GPR141: variants seen among roughly 807,000 people sequenced by gnomAD.
GPR141 encodes G protein-coupled receptor 141.
GPR141 carries 6 observed loss-of-function variants against 6.8 expected under a neutral mutation model. The ratio of observed to expected loss-of-function variants is 0.88; its 90% CI spans 0.48 to 1.74. The LOEUF is 1.74. GPR141 is among the 40% of genes most tolerant of loss of function. The pLI is 0.01. For missense variants in GPR141, 372 were observed against 372.9 expected, an observed-to-expected ratio of 1.00 and a Z score of 0.02; for synonymous variants, 140 against 142.3, an observed-to-expected ratio of 0.98 and a Z score of 0.11.
Position 37,743,487 on chromosome 7 carries a change from A to C in GPR141, c.*2176A>C, listed in dbSNP as rs1305413336. 1.3e-5 allele frequency among the ~76,000 whole-genome samples: 2 copies of C among 151,826 alleles called. No homozygotes were observed. Among genetic ancestry groups the C allele is most frequent in the African/African-American group, 4.8e-5 (2 of 41,378 alleles). ...TTTCTTTCTCATTTTGAACCATAAA[A>C]TTTGTAAGACCGTTACTAAGACCCC... On this transcript the variant is annotated 3_prime_UTR_variant, in exon 3 of 3. Coordinates refer to ENST00000334425, the MANE Select transcript of GPR141 (RefSeq NM_001381946.1).
rs552379096 is a variant in GPR141 at position 37,719,169 on chromosome 7, G to A, written c.-14-21211G>A. 5.3e-5 allele frequency among the ~76,000 whole-genome samples: 8 copies of A among 152,274 alleles called. No homozygotes were observed. The South Asian group carries it at 6.2e-4, about 12-fold the overall frequency. On this transcript the variant is annotated intron_variant, in intron 2 of 2. Coordinates refer to ENST00000334425, the MANE Select transcript of GPR141 (RefSeq NM_001381946.1). ...CATGCCAGAATCAAAGGTTGGACCCGGAAACAAATGCCTTTGGCTGCTTGG... is the reference window on the plus strand; with the variant it reads ...CATGCCAGAATCAAAGGTTGGACCCAGAAACAAATGCCTTTGGCTGCTTGG...
intron 2 of GPR141, among the ~76,000 whole-genome samples, chr7:37,700,892 A>G (rs1810252274): frequency 6.6e-6 from 1 of 152,234 alleles, no homozygotes; most frequent in African/African-American, 2.4e-5. Flanking sequence ...CTTTTAGAAG[A>G]GTCCAACCTA....
intron 2 of GPR141, among the ~76,000 whole-genome samples, chr7:37,695,411 C>T (rs1245835399): frequency 6.6e-6 from 1 of 152,222 alleles, no homozygotes; most frequent in African/African-American, 2.4e-5. Flanking sequence ...GCAGCTCCCT[C>T]AGCTCAACTT....
chr7:37,724,393 G>A (rs1811518111), intron 2 of GPR141, among the ~76,000 whole-genome samples: 1 of 152,120 alleles, frequency 6.6e-6, no homozygotes, highest in Admixed American at 6.5e-5. Context: ...GTGAGAGAGA[G>A]TTCGAATATG....
At chr7:37,731,731 C>T (rs1048355330) in intron 2 of GPR141, among the ~76,000 whole-genome samples, 2 of 152,240 alleles carry the variant, frequency 1.3e-5, no homozygotes, top group African/African-American at 2.4e-5. Flanking sequence ...GGATTACAGG[C>T]GCAAAGGAAT....
At chr7:37,706,586 A>C (rs1203127659) in intron 2 of GPR141, among the ~76,000 whole-genome samples, 2 of 152,052 alleles carry the variant, frequency 1.3e-5, no homozygotes, top group African/African-American at 4.8e-5. Context: ...GAATTCACAA[A>C]TCAATGGCAA....
chr7:37,732,761 G>T (rs755713786), intron 2 of GPR141, among the ~76,000 whole-genome samples: 2 of 152,196 alleles, frequency 1.3e-5, no homozygotes, highest in Admixed American at 6.5e-5. Flanking sequence ...AGCAGAGCAG[G>T]ACTCTTTATA....
intron 2 of GPR141, among the ~76,000 whole-genome samples, chr7:37,712,664 G>A (rs1175716591): frequency 6.6e-6 from 1 of 152,144 alleles, no homozygotes; most frequent in Admixed American, 6.5e-5. Flanking sequence ...AGCAGATGGG[G>A]ACAATAATTT....
chr7:37,722,012 AAGC>A (rs1383461464), intron 2 of GPR141, among the ~76,000 whole-genome samples: 7 of 152,224 alleles, frequency 4.6e-5, no homozygotes, highest in Non-Finnish European at 7.3e-5. Flanking sequence ...TTAAATTAGA[AAGC>A]AGAAATAAAC....
intron 2 of GPR141, among the ~76,000 whole-genome samples, chr7:37,691,429 C>T (rs943200888): frequency 2.0e-5 from 3 of 151,500 alleles, no homozygotes; most frequent in African/African-American, 4.9e-5. Context: ...AGAATTTAAT[C>T]CATTTACATT....
Position 37,704,985 on chromosome 7 carries a change from T to C in GPR141, c.-15+19402T>C, listed in dbSNP as rs192889664. ...TGCCTCAAATTCCACATCAGAGTTATTGCTATGTGCTCAGTGACAAGCCCA... is the reference window on the plus strand; with the variant it reads ...TGCCTCAAATTCCACATCAGAGTTACTGCTATGTGCTCAGTGACAAGCCCA... On this transcript the variant is annotated intron_variant, in intron 2 of 2. Transcript: ENST00000334425. Among the ~76,000 whole-genome samples, 13 of 152,292 alleles carry C rather than the reference T, an allele frequency of 8.5e-5. No homozygotes were observed. In the East Asian group the frequency reaches 2.5e-3, roughly 29 times the overall value.
At chr7:37,732,700 G>A (rs1292856613) in intron 2 of GPR141, among the ~76,000 whole-genome samples, 1 of 152,190 alleles carries the variant, frequency 6.6e-6, no homozygotes. Flanking sequence ...AAGATAATGA[G>A]CAGATAAACA....
At chr7:37,687,803 G>A (rs1809576506) in intron 2 of GPR141, among the ~76,000 whole-genome samples, 1 of 152,064 alleles carries the variant, frequency 6.6e-6, no homozygotes, top group Admixed American at 6.5e-5. Flanking sequence ...GATGACCCCT[G>A]CACTTCCCTG....
At chr7:37,719,071 C>T (rs1811187015) in intron 2 of GPR141, among the ~76,000 whole-genome samples, 1 of 152,146 alleles carries the variant, frequency 6.6e-6, no homozygotes, top group African/African-American at 2.4e-5. Flanking sequence ...TCTCCTGTGA[C>T]CTGGGAAAGC....
In GPR141 at chr7:37,742,000, C is replaced by T. The variant is rs1293579338; in HGVS notation, c.*689C>T. The stretch of plus-strand genomic sequence containing the variant: ...AATTATCACCAATTGCACTGTTGCT[C>T]CAAAAATCATTTAAAAGCTTACTGG... On this transcript the variant is annotated 3_prime_UTR_variant, in exon 3 of 3. Coordinates refer to ENST00000334425, the MANE Select transcript of GPR141 (RefSeq NM_001381946.1). Among the ~76,000 whole-genome samples the T allele has an allele frequency of 1.3e-5, 2 of 152,058 alleles. No homozygotes were observed. The highest frequency in any genetic ancestry group is 2.9e-5 in the Non-Finnish European group (2 of 68,010).
chr7:37,695,779 A>G (rs573955293), intron 2 of GPR141, among the ~76,000 whole-genome samples: 13 of 152,298 alleles, frequency 8.5e-5, no homozygotes, highest in Non-Finnish European at 1.8e-4. Context: ...TCACTCAGCT[A>G]TACTTTCTCT....
chr7:37,696,242 G>C (rs1160602396), intron 2 of GPR141, among the ~76,000 whole-genome samples: 1 of 152,166 alleles, frequency 6.6e-6, no homozygotes, highest in Non-Finnish European at 1.5e-5. Context: ...TAGGTTAATG[G>C]ATGTCTTCTA....
chr7:37,701,840 G>C (rs1295812992), intron 2 of GPR141, among the ~76,000 whole-genome samples: 3 of 152,174 alleles, frequency 2.0e-5, no homozygotes, highest in Non-Finnish European at 2.9e-5. Flanking sequence ...CTAGGTTCAG[G>C]TTAGGATTCA....
chr7:37,720,104 G>T (rs1464103785), intron 2 of GPR141, among the ~76,000 whole-genome samples: 2 of 151,900 alleles, frequency 1.3e-5, no homozygotes, highest in Non-Finnish European at 2.9e-5. Flanking sequence ...GGGTTCCAGG[G>T]TGTCGGGAGA....
Sources: gnomAD v4.1 joint callset for allele counts (sites outside exome capture counted in the v4.1 genomes callset) on GRCh38, gnomAD v4.1.1 for gene constraint, MANE v1.5 for transcripts, NCBI Gene and HGNC (gene_info 2026-07-23, HGNC 2026-07-21) for gene names.